The following KIF4A variants were observed in gnomAD, a reference collection of about 807,000 sequenced individuals.
The protein encoded by KIF4A is chromosome-associated kinesin KIF4A.
KIF4A carries 7 observed loss-of-function variants against 105.9 expected under a neutral mutation model. The ratio of observed to expected loss-of-function variants is 0.07; its 90% CI spans 0.04 to 0.12. The LOEUF (loss-of-function observed/expected upper bound fraction) is 0.12, where lower values mean the gene tolerates loss of function less well. KIF4A is among the 10% of genes least tolerant of loss of function. KIF4A has a pLI of 1.00. For synonymous variants in KIF4A, 281 were observed against 331.3 expected (o/e 0.85, Z 1.65); for missense variants, 558 against 929.2 (o/e 0.60, Z 5.19).
intron 15 of KIF4A, among the ~76,000 whole-genome samples, chrX:70,363,481 G>A (rs935132783): frequency 2.7e-5 from 3 of 111,131 alleles, no homozygotes; most frequent in Non-Finnish European, 1.9e-5. Context: ...ACCTATGAGT[G>A]AGAATATGCA....
chrX:70,294,467 C>T (rs1293359500), intron 3 of KIF4A, among the ~76,000 whole-genome samples: 1 of 112,634 alleles, frequency 8.9e-6, no homozygotes, highest in African/African-American at 3.2e-5. Context: ...GCGTTACATA[C>T]TGTACATAGT....
chrX:70,415,451 C>T (rs750661196), intron 28 of KIF4A: 1 of 194,021 alleles, frequency 5.2e-6, no homozygotes. Flanking sequence ...CTCTACAAAA[C>T]CAAAAAATTA....
intron 9 of KIF4A, 29 bp from the exon 10 acceptor site, chrX:70,333,599 A>G (rs1280851096): frequency 1.8e-6 from 2 of 1,127,520 alleles, no homozygotes; most frequent in South Asian, 3.7e-5. Context: ...GTTGGTGACT[A>G]GCTGATTATT....
In KIF4A at chrX:70,402,580, C is replaced by T; in HGVS notation, c.2504C>T (p.Ala835Val). 8.3e-7 allele frequency: 1 copy of T among 1,211,618 alleles called. No homozygotes were observed. Among genetic ancestry groups the T allele is most frequent in the Non-Finnish European group, 1.1e-6 (1 of 895,316 alleles). The part of the protein sequence containing the change: ...TEMEFRSAQI[A>V]DLQQKLLDAE... ...TTTCCCTGAAGGAGTGCTCAGATTG[C>T]TGACCTACAGCAGAAGCTGCTGGAT... Residue 835 changes from alanine to valine, a missense_variant, in exon 23 of 31, where the codon GCT becomes GTT. Coordinates refer to ENST00000374403, the MANE Select transcript of KIF4A (RefSeq NM_012310.5).
chrX:70,410,878 A>G (rs1012098286), intron 28 of KIF4A, among the ~76,000 whole-genome samples: 6 of 112,100 alleles, frequency 5.4e-5, no homozygotes, highest in African/African-American at 1.9e-4. Flanking sequence ...CAGATTATGT[A>G]TAAGGTTCCT....
intron 22 of KIF4A, among the ~76,000 whole-genome samples, chrX:70,401,470 G>A (rs1386813397): frequency 2.8e-5 from 3 of 105,553 alleles, no homozygotes; most frequent in East Asian, 5.9e-4. Context: ...GCACGATCTC[G>A]GCTCACTGCA....
intron 22 of KIF4A, among the ~76,000 whole-genome samples, chrX:70,399,478 A>G (rs977553277): frequency 8.1e-5 from 9 of 110,826 alleles, no homozygotes; most frequent in Non-Finnish European, 1.7e-4. Flanking sequence ...ACCAGTAGTG[A>G]TATTAACAAG....
rs1341339381 is a variant in KIF4A, at chrX:70,419,527, A to G, written c.3373-134A>G. On this transcript the variant is annotated intron_variant, in intron 29 of 30. Coordinates refer to ENST00000374403, the MANE Select transcript of KIF4A (RefSeq NM_012310.5). ...GTCAAACACTATGACCTCCCCAAGC[A>G]GGGCCTCCCTAAGACTTGCTTCAGC... 1.1e-5 allele frequency: 8 copies of G among 732,679 alleles called. No homozygotes were observed. In the Admixed American group the frequency reaches 2.0e-4, roughly 18 times the overall value. 60.4% of individuals were successfully genotyped at this position (732,679 alleles called of 1,213,427 possible). A position where few individuals can be genotyped will look rare whatever the true frequency, so the allele number is the denominator to read the frequency against.
At chrX:70,365,879 T>C (rs1413338594) in intron 15 of KIF4A, among the ~76,000 whole-genome samples, 1 of 111,558 alleles carries the variant, frequency 9.0e-6, no homozygotes, top group Non-Finnish European at 1.9e-5. Flanking sequence ...GTCCTGGACT[T>C]TTTTTGGTTG....
At chrX:70,393,805 CTT>C (rs2086246987) in intron 20 of KIF4A, among the ~76,000 whole-genome samples, 5 of 2,526 alleles carry the variant, frequency 2.0e-3, no homozygotes, top group Admixed American at 7.6e-3. Context: ...TTTTCTCTTT[CTT>C]TCTTTCTTTC....
intron 10 of KIF4A, among the ~76,000 whole-genome samples, chrX:70,338,668 T>C (rs1380679652): frequency 1.8e-5 from 2 of 111,956 alleles, no homozygotes; most frequent in Non-Finnish European, 3.8e-5. Flanking sequence ...GGTATAGAAT[T>C]GGTGGGTCAT....
intron 18 of KIF4A, among the ~76,000 whole-genome samples, chrX:70,378,741 A>G (rs2086185124): frequency 9.2e-6 from 1 of 108,286 alleles, no homozygotes; most frequent in Non-Finnish European, 1.9e-5. Flanking sequence ...AAAAAAAAGG[A>G]TTAAAGTAGA....
intron 7 of KIF4A, among the ~76,000 whole-genome samples, 184 bp from the exon 8 acceptor site, chrX:70,329,221 C>T (rs2085921519): frequency 8.9e-6 from 1 of 111,971 alleles, no homozygotes; most frequent in Non-Finnish European, 1.9e-5. Context: ...ACATATCCAA[C>T]ATTTGGACCT....
chrX:70,352,503 C>A, intron 13 of KIF4A, 97 bp from the exon 14 acceptor site: 2 of 580,558 alleles, frequency 3.4e-6, no homozygotes, highest in South Asian at 3.1e-5. Flanking sequence ...TAAACAGTCT[C>A]TGTATACACT....
At chrX:70,347,383 C>T (rs1178270758) in intron 13 of KIF4A, among the ~76,000 whole-genome samples, 1 of 112,272 alleles carries the variant, frequency 8.9e-6, no homozygotes, top group Non-Finnish European at 1.9e-5. Context: ...ATTATAGAGG[C>T]AGAATTCTGC....
intron 20 of KIF4A, among the ~76,000 whole-genome samples, chrX:70,390,643 A>G (rs1458825342): frequency 9.0e-6 from 1 of 111,618 alleles, no homozygotes; most frequent in Non-Finnish European, 1.9e-5. Flanking sequence ...TAGCTGACAT[A>G]CAATAAAATA....
At chrX:70,301,835 C>T (rs2147660435) in intron 5 of KIF4A, 65 bp from the exon 6 acceptor site, 1 of 1,130,018 alleles carries the variant, frequency 8.8e-7, no homozygotes, top group South Asian at 2.0e-5. Flanking sequence ...ACCACCAATC[C>T]CTATATTTCT....
intron 18 of KIF4A, among the ~76,000 whole-genome samples, chrX:70,380,147 T>C (rs1038745165): frequency 3.6e-5 from 4 of 109,889 alleles, no homozygotes; most frequent in African/African-American, 1.3e-4. Flanking sequence ...CTACTGAAAA[T>C]ACAAAAAAAA....
At chrX:70,402,012 C>T (rs1019650178) in intron 22 of KIF4A, among the ~76,000 whole-genome samples, 1 of 111,320 alleles carries the variant, frequency 9.0e-6, no homozygotes, top group African/African-American at 3.3e-5. Context: ...TCAGAAAGTA[C>T]CCAGAAGCTA....
Sources: gnomAD v4.1 joint callset for allele counts (sites outside exome capture counted in the v4.1 genomes callset) on GRCh38, gnomAD v4.1.1 for gene constraint, MANE v1.5 for transcripts, NCBI Gene and HGNC (gene_info 2026-07-23, HGNC 2026-07-21) for gene names.